The following SLIT3 variants were observed in gnomAD, a reference collection of about 807,000 sequenced individuals.
SLIT3 encodes slit guidance ligand 3.
A neutral mutation model predicts 184.0 loss-of-function variants in SLIT3; 68 were observed. That is an observed-to-expected ratio of 0.37 (90% CI 0.30 to 0.45). SLIT3 has a LOEUF of 0.45. Among genes scored for constraint, SLIT3 ranks in the 20% least tolerant of loss-of-function variants. SLIT3 has a pLI of 1.00. For missense variants in SLIT3, 1,707 were observed against 2,026.0 expected (o/e 0.84, Z 3.02); for synonymous variants, 831 against 828.6 (o/e 1.00, Z -0.05).
chr5:168,710,020 C>A (rs1762503575), intron 25 of SLIT3: 1 of 152,106 alleles, frequency 6.6e-6, no homozygotes, highest in Non-Finnish European at 1.5e-5. Context: ...AATTTCTATT[C>A]TCTGAGTCTT....
intron 4 of SLIT3, among the ~76,000 whole-genome samples, chr5:168,988,937 T>C (rs1168291946): frequency 6.6e-6 from 1 of 152,224 alleles, no homozygotes; most frequent in African/African-American, 2.4e-5. Flanking sequence ...CTGCAGAAAG[T>C]GAAAGTTTCT....
chr5:169,290,133 G>A (rs556779477), intron 1 of SLIT3, among the ~76,000 whole-genome samples: 19 of 150,738 alleles, frequency 1.3e-4, no homozygotes, highest in South Asian at 4.2e-4. Context: ...TAGGGCATAC[G>A]CCAGGGCACA....
chr5:169,272,670 A>G (rs1766668936), intron 1 of SLIT3, among the ~76,000 whole-genome samples: 1 of 152,156 alleles, frequency 6.6e-6, no homozygotes, highest in African/African-American at 2.4e-5. Flanking sequence ...AGGGAACAAG[A>G]AGCACTCACC....
At chr5:169,070,321 C>T (rs1758498753) in intron 4 of SLIT3, among the ~76,000 whole-genome samples, 1 of 152,114 alleles carries the variant, frequency 6.6e-6, no homozygotes. Flanking sequence ...GAGGCTGCTG[C>T]TATCATTAAG....
At position 168,761,920 on chromosome 5, in the gene SLIT3, A is replaced by ATT. The variant is rs546743393; in HGVS notation, c.1610+618_1610+619insAA. On this transcript the variant is annotated intron_variant, in intron 15 of 35. Transcript: ENST00000519560. ...TCATGCCCAGCTAATAAAAAAAAAA[A>ATT]ATTTTTTTTTTTTTTTTGTAGAGAC... is the stretch of plus-strand genomic sequence containing the variant. Among the ~76,000 whole-genome samples, 201 of 115,598 alleles carry ATT rather than the reference A, an allele frequency of 1.7e-3. 2 individuals are homozygous for ATT. Among genetic ancestry groups the ATT allele is most frequent in the East Asian group, 6.9e-3 (26 of 3,786 alleles). 75.8% of individuals were successfully genotyped at this position (115,598 alleles called of 152,430 possible).
At chr5:168,903,374 T>C (rs1760933660) in intron 4 of SLIT3, among the ~76,000 whole-genome samples, 2 of 152,224 alleles carry the variant, frequency 1.3e-5, no homozygotes, top group Admixed American at 1.3e-4. Context: ...CAGTTTTCCC[T>C]GTCAGGGCTT....
chr5:169,194,244 A>G (rs1341439796), intron 3 of SLIT3, among the ~76,000 whole-genome samples: 3 of 149,812 alleles, frequency 2.0e-5, no homozygotes, highest in Admixed American at 2.0e-4. Flanking sequence ...AAAAAAAAAA[A>G]AAAAAAAAAA....
chr5:169,138,283 A>C (rs1487565451), intron 4 of SLIT3, among the ~76,000 whole-genome samples: 1 of 152,242 alleles, frequency 6.6e-6, no homozygotes, highest in African/African-American at 2.4e-5. Context: ...TGTGACCTAC[A>C]GCCAATGACT....
chr5:169,092,240 G>A (rs1759617631), intron 4 of SLIT3, among the ~76,000 whole-genome samples: 1 of 152,120 alleles, frequency 6.6e-6, no homozygotes, highest in Admixed American at 6.5e-5. Context: ...AAGACTCAGA[G>A]GTAGGCAGGG....
At chr5:168,888,893 C>G (rs1760328243) in intron 4 of SLIT3, among the ~76,000 whole-genome samples, 1 of 152,128 alleles carries the variant, frequency 6.6e-6, no homozygotes, top group South Asian at 2.1e-4. Context: ...AGGAAACCTG[C>G]CCATTGGTGC....
chr5:168,831,462 C>T (rs1286064061), intron 6 of SLIT3, among the ~76,000 whole-genome samples: 1 of 152,152 alleles, frequency 6.6e-6, no homozygotes, highest in Non-Finnish European at 1.5e-5. Flanking sequence ...ATTGTGTGGG[C>T]ATATAATGAA....
intron 4 of SLIT3, among the ~76,000 whole-genome samples, chr5:169,129,847 T>A (rs1377498743): frequency 6.6e-6 from 1 of 151,914 alleles, no homozygotes; most frequent in Non-Finnish European, 1.5e-5. Context: ...TGTTTGTTTG[T>A]TTGTTTGTTT....
chr5:168,941,565 C>T (rs1043667360), intron 4 of SLIT3, among the ~76,000 whole-genome samples: 4 of 152,164 alleles, frequency 2.6e-5, no homozygotes, highest in Non-Finnish European at 5.9e-5. Flanking sequence ...TACAATTCTC[C>T]TTATCATACA....
intron 5 of SLIT3, among the ~76,000 whole-genome samples, chr5:168,856,798 TGTGTGTGTGC>T (rs887668025): frequency 1.1e-4 from 16 of 142,162 alleles, no homozygotes; most frequent in South Asian, 9.0e-4. Flanking sequence ...TGTGTGTGTG[TGTGTGTGTGC>T]GCGCGCGCGC....
In SLIT3 at chr5:168,731,203, G is replaced by A. The variant is rs147619783; in HGVS notation, c.2271-6719C>T. On this transcript the variant is annotated intron_variant, in intron 20 of 35. Coordinates refer to ENST00000519560, the MANE Select transcript of SLIT3 (RefSeq NM_003062.4). ...TCTAGAGCAAATGGATAAATTCCCG[G>A]AAGCATGCAACCTCCTGAAATTGAA... Among the ~76,000 whole-genome samples the A allele has an allele frequency of 4.5e-3, 680 of 152,050 alleles. 4 individuals carry two copies. Among genetic ancestry groups the A allele is most frequent in the African/African-American group, 0.015 (640 of 41,532 alleles).
chr5:169,201,540 C>G (rs1393060862), intron 3 of SLIT3, among the ~76,000 whole-genome samples: 3 of 152,102 alleles, frequency 2.0e-5, no homozygotes, highest in Non-Finnish European at 4.4e-5. Flanking sequence ...CTAGATGTCC[C>G]AAGAGGTTGG....
intron 6 of SLIT3, among the ~76,000 whole-genome samples, chr5:168,842,461 G>A (rs1047750985): frequency 3.4e-5 from 3 of 89,158 alleles, no homozygotes; most frequent in Non-Finnish European, 5.9e-5. Context: ...TCTGGATACC[G>A]TTTTTTCGTT....
At chr5:169,278,743 C>T (rs916877370) in intron 1 of SLIT3, among the ~76,000 whole-genome samples, 1 of 152,136 alleles carries the variant, frequency 6.6e-6, no homozygotes, top group Non-Finnish European at 1.5e-5. Context: ...AACCCCTCCG[C>T]CATGTTTCTT....
chr5:168,817,211 G>T, intron 8 of SLIT3, 89 bp downstream of exon 8: 2 of 1,223,860 alleles, frequency 1.6e-6, no homozygotes, highest in Non-Finnish European at 2.4e-6. Flanking sequence ...CTGGGCTAGG[G>T]TATGTGTTCA....
Sources: allele counts gnomAD v4.1 joint callset (sites outside exome capture counted in the v4.1 genomes callset), GRCh38; gene constraint gnomAD v4.1.1; transcripts MANE v1.5; gene names NCBI Gene and HGNC (gene_info 2026-07-23, HGNC 2026-07-21).